The following PAPPA2 variants were observed in gnomAD, a reference collection of about 807,000 sequenced individuals.
PAPPA2 encodes the protein pappalysin 2, also known as pappalysin-2.
A neutral mutation model predicts 176.4 loss-of-function variants in PAPPA2; 86 were observed. That is an observed-to-expected ratio of 0.49 (90% confidence interval 0.41 to 0.58). PAPPA2 has a LOEUF of 0.58. Among genes scored for constraint, PAPPA2 ranks in the 20% least tolerant of loss-of-function variants. The pLI is 0.00. For missense variants in PAPPA2, 2,073 were observed against 2,256.9 expected, an observed-to-expected ratio of 0.92 and a Z score of 1.65; for synonymous variants, 809 against 852.2, an observed-to-expected ratio of 0.95 and a Z score of 0.88.
chr1:176,525,802 G>A (rs188994468), intron 1 of PAPPA2, among the ~76,000 whole-genome samples: 23 of 152,330 alleles, frequency 1.5e-4, no homozygotes, highest in Non-Finnish European at 2.9e-4. Flanking sequence ...ACTTCTTGCT[G>A]CAGGTATTCA....
At chr1:176,775,323 T>C (rs1664407780) in intron 17 of PAPPA2, among the ~76,000 whole-genome samples, 1 of 152,166 alleles carries the variant, frequency 6.6e-6, no homozygotes, top group Non-Finnish European at 1.5e-5. Flanking sequence ...TTAAAGTTGA[T>C]GCTAAAAATA....
At chr1:176,808,521 T>C (rs1384159155) in intron 21 of PAPPA2, among the ~76,000 whole-genome samples, 2 of 152,218 alleles carry the variant, frequency 1.3e-5, no homozygotes, top group Admixed American at 6.5e-5. Context: ...AAACTGTAAT[T>C]ATCCTAAGCC....
At chr1:176,647,465 T>C (rs765297137) in intron 3 of PAPPA2, among the ~76,000 whole-genome samples, 2 of 151,682 alleles carry the variant, frequency 1.3e-5, no homozygotes, top group Non-Finnish European at 3.0e-5. Context: ...GCCTGTGGGG[T>C]GTGACTCAAG....
intron 1 of PAPPA2, among the ~76,000 whole-genome samples, chr1:176,503,314 A>G (rs1648070730): frequency 6.6e-6 from 1 of 152,192 alleles, no homozygotes; most frequent in Admixed American, 6.5e-5. Flanking sequence ...CCCTTTGATT[A>G]CAGTGAACTC....
chr1:176,607,742 T>A (rs1352780287), intron 3 of PAPPA2, among the ~76,000 whole-genome samples: 2 of 152,232 alleles, frequency 1.3e-5, no homozygotes, highest in Non-Finnish European at 2.9e-5. Flanking sequence ...TAGCTGTTTT[T>A]TATTTACTGC....
chr1:176,627,455 C>A (rs1271657447), intron 3 of PAPPA2, among the ~76,000 whole-genome samples: 1 of 152,194 alleles, frequency 6.6e-6, no homozygotes, highest in Non-Finnish European at 1.5e-5. Flanking sequence ...AGAGCAGTGA[C>A]TAGACCTAGG....
chr1:176,734,919 CTT>C (rs1472679999), intron 12 of PAPPA2, among the ~76,000 whole-genome samples: 1 of 152,092 alleles, frequency 6.6e-6, no homozygotes, highest in Non-Finnish European at 1.5e-5. Flanking sequence ...GATTATGTGA[CTT>C]TATTTCTGGG....
At chr1:176,608,402 A>G (rs1654731384) in intron 3 of PAPPA2, among the ~76,000 whole-genome samples, 1 of 152,194 alleles carries the variant, frequency 6.6e-6, no homozygotes, top group Non-Finnish European at 1.5e-5. Context: ...CACTACCAAC[A>G]TAAAACCACT....
intron 3 of PAPPA2, among the ~76,000 whole-genome samples, chr1:176,648,273 A>C (rs1189780344): frequency 6.6e-6 from 1 of 151,268 alleles, no homozygotes; most frequent in East Asian, 1.9e-4. Context: ...ACTAACTTTT[A>C]TATGTGGATT....
intron 19 of PAPPA2, 43 bp from the exon 20 acceptor site, chr1:176,793,517 T>C: frequency 6.7e-7 from 1 of 1,481,974 alleles, no homozygotes; most frequent in Non-Finnish European, 9.4e-7. Flanking sequence ...AAGAATGAGA[T>C]CTGGGAAGTT....
chr1:176,795,806 AG>A (rs1427919329), intron 20 of PAPPA2, among the ~76,000 whole-genome samples: 2 of 152,234 alleles, frequency 1.3e-5, no homozygotes, highest in African/African-American at 4.8e-5. Flanking sequence ...TACATGAAAT[AG>A]GTTTGCAAAG....
intron 3 of PAPPA2, among the ~76,000 whole-genome samples, chr1:176,660,549 G>A (rs1658305968): frequency 6.6e-6 from 1 of 152,058 alleles, no homozygotes; most frequent in South Asian, 2.1e-4. Context: ...AGAGATCTGG[G>A]CTAGGGATAT....
intron 6 of PAPPA2, among the ~76,000 whole-genome samples, chr1:176,695,195 G>A (rs1006348036): frequency 6.6e-6 from 1 of 152,218 alleles, no homozygotes; most frequent in African/African-American, 2.4e-5. Flanking sequence ...AGGGCCTTGA[G>A]ACGTGATAAA....
At chr1:176,757,729 T>C (rs2102896102) in intron 14 of PAPPA2, among the ~76,000 whole-genome samples, 1 of 152,380 alleles carries the variant, frequency 6.6e-6, no homozygotes, top group South Asian at 2.1e-4. Flanking sequence ...TTGTCAATTT[T>C]GGCTTTTGTT....
intron 2 of PAPPA2, among the ~76,000 whole-genome samples, chr1:176,581,825 G>A (rs1652981637): frequency 6.6e-6 from 1 of 150,422 alleles, no homozygotes. Context: ...CACCTTTACT[G>A]AATTTATCAG....
intron 3 of PAPPA2, among the ~76,000 whole-genome samples, chr1:176,597,649 G>A (rs553323933): frequency 2.0e-4 from 31 of 152,058 alleles, no homozygotes; most frequent in Admixed American, 1.4e-3. Context: ...AAACCTGCAC[G>A]TTCTGCACAT....
At chr1:176,640,685 A>T (rs1657026563) in intron 3 of PAPPA2, among the ~76,000 whole-genome samples, 1 of 152,042 alleles carries the variant, frequency 6.6e-6, no homozygotes, top group South Asian at 2.1e-4. Flanking sequence ...CATGATTTAT[A>T]GTCCTTTGGG....
intron 2 of PAPPA2, among the ~76,000 whole-genome samples, chr1:176,583,007 A>G (rs1487289002): frequency 6.6e-6 from 1 of 152,086 alleles, no homozygotes; most frequent in Non-Finnish European, 1.5e-5. Context: ...GAATTTATCC[A>G]TTTCTTCTAG....
intron 12 of PAPPA2, among the ~76,000 whole-genome samples, chr1:176,729,056 TTTAA>T (rs1270652381): frequency 6.6e-6 from 1 of 152,028 alleles, no homozygotes; most frequent in African/African-American, 2.4e-5. Context: ...TTTTTTTCTC[TTTAA>T]TTATTAGTTT....
Sources: gnomAD v4.1 joint callset for allele counts (sites outside exome capture counted in the v4.1 genomes callset) on GRCh38, gnomAD v4.1.1 for gene constraint, MANE v1.5 for transcripts, NCBI Gene and HGNC (gene_info 2026-07-23, HGNC 2026-07-21) for gene names.